The following CALN1 variants were observed in gnomAD, a reference collection of about 807,000 sequenced individuals.
CALN1 encodes calcium-binding protein 8.
Under a neutral mutation model 30.6 loss-of-function variants are expected in CALN1, and 17 were observed. The ratio of observed to expected loss-of-function variants is 0.56; its 90% CI spans 0.38 to 0.83. CALN1 has a LOEUF of 0.83. Among genes scored for constraint, CALN1 ranks in the 40% least tolerant of loss-of-function variants. The probability of loss-of-function intolerance (pLI) is 0.00; values close to 1 mark genes in which losing one functional copy is unlikely to be tolerated. For missense variants in CALN1, 291 were observed against 354.9 expected, an observed-to-expected ratio of 0.82 and a Z score of 1.45; for synonymous variants, 156 against 131.4, an observed-to-expected ratio of 1.19 and a Z score of -1.28.
chr7:72,432,080 T>C (rs6970624), intron 1 of CALN1, among the ~76,000 whole-genome samples: 1,565 of 152,222 alleles, frequency 0.01, 26 homozygotes, highest in African/African-American at 0.036. Flanking sequence ...TCATCTTGAA[T>C]TGTAGCTCCT....
chr7:72,226,223 T>G (rs1793668439), intron 3 of CALN1, among the ~76,000 whole-genome samples: 1 of 151,716 alleles, frequency 6.6e-6, no homozygotes, highest in Non-Finnish European at 1.5e-5. Context: ...CCAACCTGGG[T>G]GACAAGAGTG....
intron 3 of CALN1, among the ~76,000 whole-genome samples, chr7:72,254,839 T>C (rs1280890783): frequency 6.6e-6 from 1 of 152,106 alleles, no homozygotes; most frequent in African/African-American, 2.4e-5. Flanking sequence ...CCATCTCGGC[T>C]CACTGCAACC....
chr7:72,121,312 T>C (rs953781754), intron 3 of CALN1, among the ~76,000 whole-genome samples: 1 of 143,934 alleles, frequency 6.9e-6, no homozygotes, highest in African/African-American at 2.5e-5. Context: ...ATAAATTAAG[T>C]GAATATATAA....
At chr7:72,057,578 G>A (rs1803349264) in intron 4 of CALN1, among the ~76,000 whole-genome samples, 2 of 151,702 alleles carry the variant, frequency 1.3e-5, no homozygotes, top group Non-Finnish European at 2.9e-5. Context: ...AGTAACATAC[G>A]TGTATTTTTT....
At chr7:72,098,980 C>T (rs1417711334) in intron 4 of CALN1, among the ~76,000 whole-genome samples, 2 of 152,190 alleles carry the variant, frequency 1.3e-5, no homozygotes, top group African/African-American at 2.4e-5. Flanking sequence ...AAGGCACCCC[C>T]GCTCCCAGTG....
intron 2 of CALN1, among the ~76,000 whole-genome samples, chr7:72,339,085 G>A (rs1270084682): frequency 6.6e-6 from 1 of 151,286 alleles, no homozygotes; most frequent in Admixed American, 6.6e-5. Flanking sequence ...GTCTTTCTGT[G>A]CCGGGTTTAT....
chr7:72,255,974 C>A (rs537939773), intron 3 of CALN1, among the ~76,000 whole-genome samples: 2 of 151,900 alleles, frequency 1.3e-5, no homozygotes, highest in African/African-American at 4.8e-5. Flanking sequence ...GTGATCCACC[C>A]GCCTCGGCCT....
chr7:71,828,579 T>C (rs1789067305), intron 5 of CALN1, among the ~76,000 whole-genome samples: 1 of 152,028 alleles, frequency 6.6e-6, no homozygotes, highest in African/African-American at 2.4e-5. Flanking sequence ...CTGTCTCTCA[T>C]CTTCCAGTGA....
At chr7:71,878,172 TAAGTA>T (rs1172162246) in intron 5 of CALN1, among the ~76,000 whole-genome samples, 6 of 152,254 alleles carry the variant, frequency 3.9e-5, no homozygotes, top group African/African-American at 1.4e-4. Context: ...TAGTATAAGT[TAAGTA>T]TTTAAGAAAT....
chr7:71,903,292 C>T (rs1210268154), intron 5 of CALN1, among the ~76,000 whole-genome samples: 1 of 152,042 alleles, frequency 6.6e-6, no homozygotes, highest in African/African-American at 2.4e-5. Context: ...CATTACCTAA[C>T]TTCAAAAAAA....
intron 3 of CALN1, among the ~76,000 whole-genome samples, chr7:72,236,039 T>C (rs1794455345): frequency 6.8e-6 from 1 of 146,210 alleles, no homozygotes; most frequent in Non-Finnish European, 1.5e-5. Flanking sequence ...AGCCCAGGAG[T>C]TCGAGACCTG....
At chr7:72,325,117 T>C (rs1801180470) in intron 2 of CALN1, among the ~76,000 whole-genome samples, 1 of 151,720 alleles carries the variant, frequency 6.6e-6, no homozygotes, top group Admixed American at 6.6e-5. Context: ...CTGGGCAACA[T>C]GGTGAAACCC....
intron 3 of CALN1, among the ~76,000 whole-genome samples, chr7:72,199,707 C>A (rs1335869566): frequency 6.6e-6 from 1 of 152,070 alleles, no homozygotes; most frequent in African/African-American, 2.4e-5. Context: ...ATTAGCCAGG[C>A]GTAGTGGTGC....
At position 72,272,374 on chromosome 7, in the gene CALN1, C is replaced by T. The variant is rs892481274; in HGVS notation, c.244+6312G>A. On this transcript the variant is annotated intron_variant, in intron 3 of 6. Coordinates refer to ENST00000395275, the MANE Select transcript of CALN1 (RefSeq NM_031468.4). The stretch of plus-strand genomic sequence containing the variant: ...GTCAGAAGTTCGAGACCAACCTGGC[C>T]AACATGGCAAAAACCCATCTCTACC... 2.6e-5 allele frequency among the ~76,000 whole-genome samples: 4 copies of T among 152,160 alleles called. No individual in the cohort carries two copies. The East Asian group carries it at 7.7e-4, about 29-fold the overall frequency.
intron 5 of CALN1, among the ~76,000 whole-genome samples, chr7:71,901,050 C>T (rs747856480): frequency 1.1e-4 from 16 of 152,246 alleles, no homozygotes; most frequent in Admixed American, 5.9e-4. Flanking sequence ...CCCAGCTATC[C>T]GAGTGTACTT....
the CALN1 span, among the ~76,000 whole-genome samples, chr7:72,472,436 A>G: frequency 1.3e-5 from 2 of 151,894 alleles, no homozygotes; most frequent in East Asian, 1.9e-4. Flanking sequence ...GCCCCCACCC[A>G]TTGGCCAGAT....
chr7:72,346,045 A>G (rs576055252), intron 2 of CALN1, among the ~76,000 whole-genome samples: 27 of 152,364 alleles, frequency 1.8e-4, no homozygotes, highest in African/African-American at 3.8e-4. Context: ...ACAATTGTAT[A>G]GATGTTTAAG....
At chr7:72,222,950 G>A (rs566211075) in intron 3 of CALN1, among the ~76,000 whole-genome samples, 1 of 152,272 alleles carries the variant, frequency 6.6e-6, no homozygotes, top group East Asian at 1.9e-4. Flanking sequence ...CAGCCCAGGA[G>A]TTAGAGGCTG....
At chr7:72,072,075 T>C (rs772499154) in intron 4 of CALN1, among the ~76,000 whole-genome samples, 5 of 151,996 alleles carry the variant, frequency 3.3e-5, no homozygotes, top group African/African-American at 1.2e-4. Flanking sequence ...TATGGAAACC[T>C]GAGAAAGAGA....
Sources: allele counts gnomAD v4.1 joint callset (sites outside exome capture counted in the v4.1 genomes callset), GRCh38; gene constraint gnomAD v4.1.1; transcripts MANE v1.5; gene names NCBI Gene and HGNC (gene_info 2026-07-23, HGNC 2026-07-21).